MAMDC2: variants seen among roughly 807,000 people sequenced by gnomAD.
MAMDC2 encodes MAM domain-containing protein 2.
In MAMDC2, 57 loss-of-function variants were observed where a neutral mutation model predicts 89.8. That is an observed-to-expected ratio of 0.63 (90% CI 0.51 to 0.79). The LOEUF (loss-of-function observed/expected upper bound fraction) is 0.79. Among genes scored for constraint, MAMDC2 ranks in the 30% least tolerant of loss-of-function variants. The pLI, the probability that MAMDC2 is intolerant of heterozygous loss-of-function variation, is 0.00. For missense variants in MAMDC2, 800 were observed against 820.6 expected (o/e 0.97, Z 0.31); for synonymous variants, 313 against 293.4 (o/e 1.07, Z -0.68).
intron 11 of MAMDC2, among the ~76,000 whole-genome samples, chr9:70,198,160 G>T (rs368803491): frequency 2.0e-5 from 1 of 51,138 alleles, no homozygotes; most frequent in African/African-American, 5.5e-5. Flanking sequence ...GTGTATGTGT[G>T]TATATATATA....
At chr9:70,048,498 C>G (rs1360227490) in intron 2 of MAMDC2, among the ~76,000 whole-genome samples, 1 of 152,126 alleles carries the variant, frequency 6.6e-6, no homozygotes, top group Non-Finnish European at 1.5e-5. Context: ...GGGATTTCAC[C>G]ATGTTGGCCA....
chr9:70,162,992 C>G (rs1346592728), intron 9 of MAMDC2, among the ~76,000 whole-genome samples: 1 of 151,570 alleles, frequency 6.6e-6, no homozygotes, highest in East Asian at 1.9e-4. Flanking sequence ...GGTTCTGCTG[C>G]CTGTCATTAT....
chr9:70,118,521 A>T (rs1212707008), intron 5 of MAMDC2, among the ~76,000 whole-genome samples: 2 of 152,232 alleles, frequency 1.3e-5, no homozygotes, highest in East Asian at 3.9e-4. Flanking sequence ...CAATGCTCTA[A>T]AAAGGAAAGA....
intron 2 of MAMDC2, among the ~76,000 whole-genome samples, chr9:70,085,251 G>A (rs1827742527): frequency 6.6e-6 from 1 of 151,936 alleles, no homozygotes; most frequent in African/African-American, 2.4e-5. Context: ...TTTACCGTGG[G>A]GGCATAGACA....
intron 11 of MAMDC2, chr9:70,216,502 G>C (rs1438565736): frequency 2.0e-5 from 3 of 152,166 alleles, no homozygotes; most frequent in Non-Finnish European, 4.4e-5. Context: ...TCAGCCTCAT[G>C]ACCTCATCTA....
intron 6 of MAMDC2, among the ~76,000 whole-genome samples, chr9:70,127,368 C>T (rs1208319279): frequency 1.3e-5 from 2 of 152,272 alleles, no homozygotes; most frequent in East Asian, 3.9e-4. Flanking sequence ...CCCTTAGGAC[C>T]TCTAGAATCA....
chr9:70,162,036 T>G (rs1226388289), intron 9 of MAMDC2, among the ~76,000 whole-genome samples: 1 of 152,232 alleles, frequency 6.6e-6, no homozygotes, highest in Non-Finnish European at 1.5e-5. Flanking sequence ...GGCACAGGAC[T>G]GAAATGTTTC....
intron 9 of MAMDC2, among the ~76,000 whole-genome samples, chr9:70,165,296 C>T (rs1022375164): frequency 6.6e-6 from 1 of 152,184 alleles, no homozygotes; most frequent in Non-Finnish European, 1.5e-5. Context: ...ATAACCTCTC[C>T]ACCTCAAGGA....
intron 2 of MAMDC2, among the ~76,000 whole-genome samples, chr9:70,047,564 GC>G (rs1465039095): frequency 1.3e-5 from 2 of 152,196 alleles, no homozygotes; most frequent in African/African-American, 4.8e-5. Flanking sequence ...AGTATTCCAT[GC>G]TGTATATGTG....
intron 5 of MAMDC2, among the ~76,000 whole-genome samples, chr9:70,114,248 T>G (rs565486156): frequency 1.4e-5 from 2 of 146,814 alleles, no homozygotes; most frequent in Non-Finnish European, 3.0e-5. Flanking sequence ...TATAAGCAAA[T>G]GACATGTGGG....
intron 2 of MAMDC2, among the ~76,000 whole-genome samples, chr9:70,051,281 T>C (rs556155645): frequency 1.3e-5 from 2 of 152,312 alleles, no homozygotes; most frequent in African/African-American, 4.8e-5. Context: ...TCTGGTTTCC[T>C]CCCTACTCAA....
At chr9:70,124,570 A>G (rs2030442409) in intron 5 of MAMDC2, among the ~76,000 whole-genome samples, 1 of 152,174 alleles carries the variant, frequency 6.6e-6, no homozygotes, top group Non-Finnish European at 1.5e-5. Flanking sequence ...TACATTAAAT[A>G]ACCATGTGTT....
chr9:70,141,101 C>T (rs1025073690), intron 8 of MAMDC2, among the ~76,000 whole-genome samples: 3 of 152,296 alleles, frequency 2.0e-5, no homozygotes, highest in African/African-American at 4.8e-5. Flanking sequence ...GGTTCCAGGG[C>T]CCCTGCCTTC....
At chr9:70,114,937 G>A (rs530782850) in intron 5 of MAMDC2, among the ~76,000 whole-genome samples, 12 of 152,252 alleles carry the variant, frequency 7.9e-5, no homozygotes, top group Admixed American at 1.3e-4. Context: ...ACTGTATTTC[G>A]GGGATGGGTA....
At chr9:70,049,293 A>G (rs980083770) in intron 2 of MAMDC2, among the ~76,000 whole-genome samples, 13 of 151,992 alleles carry the variant, frequency 8.6e-5, no homozygotes, top group African/African-American at 2.9e-4. Flanking sequence ...CCTTTCCTTC[A>G]CCCAAACTTG....
intron 8 of MAMDC2, among the ~76,000 whole-genome samples, chr9:70,142,228 A>C (rs1002168): frequency 6.6e-6 from 1 of 152,196 alleles, no homozygotes; most frequent in East Asian, 1.9e-4. Context: ...TGACCCAGGC[A>C]GAGGGAACAA....
At chr9:70,217,252 C>T in intron 11 of MAMDC2, 1 of 928,312 alleles carries the variant, frequency 1.1e-6, no homozygotes, top group Non-Finnish European at 1.8e-6. Context: ...ACAGGGGAGG[C>T]ACTACGCCAG....
At chr9:70,210,091 C>A (rs1393106199) in intron 11 of MAMDC2, among the ~76,000 whole-genome samples, 1 of 152,148 alleles carries the variant, frequency 6.6e-6, no homozygotes, top group Non-Finnish European at 1.5e-5. Flanking sequence ...CAATGTGGTG[C>A]TGAGAAGAAT....
At chr9:70,059,487 C>T (rs995834429) in intron 2 of MAMDC2, among the ~76,000 whole-genome samples, 2 of 152,118 alleles carry the variant, frequency 1.3e-5, no homozygotes, top group Non-Finnish European at 2.9e-5. Flanking sequence ...TTCATGACCC[C>T]CTCCCCTCTT....
Sources: gnomAD v4.1 joint callset for allele counts (sites outside exome capture counted in the v4.1 genomes callset) on GRCh38, gnomAD v4.1.1 for gene constraint, MANE v1.5 for transcripts, NCBI Gene and HGNC (gene_info 2026-07-23, HGNC 2026-07-21) for gene names.